MARCHF5: variants seen among roughly 807,000 people sequenced by gnomAD.
MARCHF5 encodes the protein E3 ubiquitin-protein ligase MARCHF5.
A neutral mutation model predicts 36.5 loss-of-function variants in MARCHF5; 5 were observed. The observed-to-expected ratio is 0.14, with a 90% CI of 0.07 to 0.29. The LOEUF (loss-of-function observed/expected upper bound fraction) is 0.29. Ranked by LOEUF, MARCHF5 falls within the 10% of genes least tolerant of loss-of-function variation. The pLI, the probability that MARCHF5 is intolerant of heterozygous loss-of-function variation, is 1.00. For missense variants in MARCHF5, 179 were observed against 336.3 expected, an observed-to-expected ratio of 0.53 and a Z score of 3.66; for synonymous variants, 103 against 109.9, an observed-to-expected ratio of 0.94 and a Z score of 0.39.
In MARCHF5 at chr10:92,335,962, T is replaced by C. The variant is rs544755141; in HGVS notation, c.239-4711T>C. ...CAAGACAATTCAGTTCAACAAATGA[T>C]TGAGAGTAGTAGGAACTTGGGGTAA... On this transcript the variant is annotated intron_variant, in intron 2 of 5. Transcript: ENST00000358935. Among the ~76,000 whole-genome samples, 8 of 152,322 alleles carry C rather than the reference T, an allele frequency of 5.3e-5. No individual in the cohort carries two copies. In the East Asian group the frequency reaches 1.3e-3, roughly 26 times the overall value.
intron 2 of MARCHF5, among the ~76,000 whole-genome samples, chr10:92,333,046 G>C (rs1053848069): frequency 6.6e-6 from 1 of 151,748 alleles, no homozygotes; most frequent in Non-Finnish European, 1.5e-5. Context: ...TGTAATCCCA[G>C]CTACTCGGGA....
chr10:92,340,024 A>C (rs1843558944), intron 2 of MARCHF5, among the ~76,000 whole-genome samples: 1 of 152,208 alleles, frequency 6.6e-6, no homozygotes, highest in South Asian at 2.1e-4. Flanking sequence ...TGTAAATACA[A>C]GAAAATGGCC....
At chr10:92,308,767 C>T (rs778198045) in intron 1 of MARCHF5, among the ~76,000 whole-genome samples, 2 of 150,268 alleles carry the variant, frequency 1.3e-5, no homozygotes, top group African/African-American at 4.9e-5. Context: ...TGCAGTGGCG[C>T]GATCTTGGCT....
rs964403054 is a variant in MARCHF5, at chr10:92,344,138, T to TA, written c.369+3337dup. Reference sequence around the variant, plus strand: ...TGGCACAATGTTAAAAGAATTTTGATAATTAATGGGGCACTTGTTAAAACA... The same window carrying TA: ...TGGCACAATGTTAAAAGAATTTTGATAAATTAATGGGGCACTTGTTAAAACA... On this transcript the variant is annotated intron_variant, in intron 3 of 5. Coordinates refer to ENST00000358935, the MANE Select transcript of MARCHF5 (RefSeq NM_017824.5). Among the ~76,000 whole-genome samples, 67 of 152,334 alleles carry TA rather than the reference T, an allele frequency of 4.4e-4. No homozygotes were observed. In the Middle Eastern group the frequency reaches 0.01, roughly 23 times the overall value.
At chr10:92,348,466 G>A (rs1050445509) in intron 3 of MARCHF5, among the ~76,000 whole-genome samples, 2 of 152,092 alleles carry the variant, frequency 1.3e-5, no homozygotes, top group African/African-American at 2.4e-5. Flanking sequence ...TCCAGCCTGG[G>A]CAACACAGCG....
intron 2 of MARCHF5, among the ~76,000 whole-genome samples, chr10:92,317,752 CTT>C (rs61127922): frequency 2.6e-4 from 35 of 135,008 alleles, no homozygotes; most frequent in Non-Finnish European, 2.1e-4. Flanking sequence ...AATCTGAATG[CTT>C]TTTTTTTTTT....
At chr10:92,336,560 G>C (rs1457397614) in intron 2 of MARCHF5, among the ~76,000 whole-genome samples, 1 of 152,072 alleles carries the variant, frequency 6.6e-6, no homozygotes, top group Non-Finnish European at 1.5e-5. Context: ...AAGTGCTTTA[G>C]GAAAAAGAAA....
At chr10:92,318,542 A>G (rs772653027) in intron 2 of MARCHF5, among the ~76,000 whole-genome samples, 2 of 151,950 alleles carry the variant, frequency 1.3e-5, no homozygotes, top group Non-Finnish European at 2.9e-5. Context: ...GGAACATGGC[A>G]AAACCCAGTC....
chr10:92,315,773 TAAA>T (rs1478705922), intron 2 of MARCHF5, among the ~76,000 whole-genome samples: 1 of 152,216 alleles, frequency 6.6e-6, no homozygotes, highest in African/African-American at 2.4e-5. Flanking sequence ...ATAGTAACAA[TAAA>T]ATACATATTT....
chr10:92,301,780 C>T (rs1474164512), intron 1 of MARCHF5, among the ~76,000 whole-genome samples: 5 of 152,164 alleles, frequency 3.3e-5, no homozygotes, highest in Admixed American at 6.5e-5. Context: ...TAATACAGGC[C>T]GGGTGCAGGG....
At chr10:92,349,274 T>TA (rs1005373233) in intron 3 of MARCHF5, 75 bp from the exon 4 acceptor site, 27 of 1,135,114 alleles carry the variant, frequency 2.4e-5, no homozygotes, top group Middle Eastern at 2.1e-4. Context: ...CATTTTCTAT[T>TA]AAAAAAATAG....
At chr10:92,344,347 G>A (rs1328692561) in intron 3 of MARCHF5, among the ~76,000 whole-genome samples, 1 of 152,176 alleles carries the variant, frequency 6.6e-6, no homozygotes, top group East Asian at 1.9e-4. Context: ...GAAATTATGA[G>A]AAAAGTCTTG....
intron 1 of MARCHF5, among the ~76,000 whole-genome samples, chr10:92,296,525 G>T (rs1484145689): frequency 6.6e-6 from 1 of 152,088 alleles, no homozygotes; most frequent in Non-Finnish European, 1.5e-5. Flanking sequence ...AATTTACAGA[G>T]AACAATGCAA....
chr10:92,301,748 T>G (rs549807984), intron 1 of MARCHF5, among the ~76,000 whole-genome samples: 1 of 152,174 alleles, frequency 6.6e-6, no homozygotes, highest in Non-Finnish European at 1.5e-5. Context: ...CTTTACGTTC[T>G]CTCTAGATTA....
At chr10:92,313,053 G>C (rs933489672) in intron 2 of MARCHF5, among the ~76,000 whole-genome samples, 1 of 151,920 alleles carries the variant, frequency 6.6e-6, no homozygotes, top group Non-Finnish European at 1.5e-5. Flanking sequence ...GGCCAATATG[G>C]TGAAACTATG....
At chr10:92,319,967 T>A (rs1212524090) in intron 2 of MARCHF5, among the ~76,000 whole-genome samples, 17 of 147,378 alleles carry the variant, frequency 1.2e-4, no homozygotes, top group South Asian at 8.5e-4. Context: ...AAAAAAAAAA[T>A]TTCTTTTCTT....
intron 1 of MARCHF5, among the ~76,000 whole-genome samples, chr10:92,296,859 A>G (rs989459987): frequency 1.3e-5 from 2 of 152,216 alleles, no homozygotes; most frequent in African/African-American, 2.4e-5. Context: ...CAAGGAAGCT[A>G]TACTCTGATA....
chr10:92,322,936 C>T (rs1332624037), intron 2 of MARCHF5, among the ~76,000 whole-genome samples: 1 of 151,954 alleles, frequency 6.6e-6, no homozygotes, highest in Non-Finnish European at 1.5e-5. Flanking sequence ...CGGGGTTTCA[C>T]CATGTTGGCC....
rs538746202 is a variant in MARCHF5 at position 92,322,983 on chromosome 10, A to G, written c.238+11646A>G. 1.8e-3 allele frequency among the ~76,000 whole-genome samples: 278 copies of G among 151,630 alleles called. 3 individuals are homozygous for G. The highest frequency in any genetic ancestry group is 6.3e-3 in the African/African-American group (257 of 41,082). ...GATCTCTTGACCTCGTGATCCACCC[A>G]CCTTGGCCTCCCAAAGTGCTGGGAT... On this transcript the variant is annotated intron_variant, in intron 2 of 5. Coordinates refer to ENST00000358935, the MANE Select transcript of MARCHF5 (RefSeq NM_017824.5).
Sources: gnomAD v4.1 joint callset for allele counts (sites outside exome capture counted in the v4.1 genomes callset) on GRCh38, gnomAD v4.1.1 for gene constraint, MANE v1.5 for transcripts, NCBI Gene and HGNC (gene_info 2026-07-23, HGNC 2026-07-21) for gene names.